Variants in EP400 observed in about 807,000 individuals in gnomAD.
EP400 encodes the protein E1A-binding protein p400.
EP400 carries 105 observed loss-of-function variants against 354.1 expected under a neutral mutation model. The observed-to-expected ratio is 0.30, with a 90% confidence interval of 0.25 to 0.35. EP400 has a LOEUF of 0.35. Ranked by LOEUF, EP400 falls within the 10% of genes least tolerant of loss-of-function variation. The pLI, the probability that EP400 is intolerant of heterozygous loss-of-function variation, is 1.00. For synonymous variants in EP400, 1,646 were observed against 1,716.9 expected (o/e 0.96, Z 1.02); for missense variants, 3,280 against 4,121.0 (o/e 0.80, Z 5.59).
rs191592726 is a variant in EP400 at position 132,035,208 on chromosome 12, C to T, written c.5952-2474C>T. ...CGATGAGATCTCTCTTCTCATGCCCCGGACAGGTGAGACCTTAAGGGAACG... is the reference window on the plus strand; with the variant it reads ...CGATGAGATCTCTCTTCTCATGCCCTGGACAGGTGAGACCTTAAGGGAACG... On this transcript the variant is annotated intron_variant, in intron 30 of 52. Transcript: ENST00000389561. 4.6e-5 allele frequency among the ~76,000 whole-genome samples: 7 copies of T among 152,204 alleles called. No homozygotes were observed. In the East Asian group the frequency reaches 7.7e-4, roughly 17 times the overall value.
intron 45 of EP400, among the ~76,000 whole-genome samples, chr12:132,055,872 C>A (rs1895493073): frequency 6.6e-6 from 1 of 151,824 alleles, no homozygotes; most frequent in Non-Finnish European, 1.5e-5. Context: ...ATGTGCTTGT[C>A]ACTGTGCCCA....
chr12:132,036,074 ACAGC>A (rs1894698879), intron 30 of EP400, among the ~76,000 whole-genome samples: 1 of 150,690 alleles, frequency 6.6e-6, no homozygotes, highest in Admixed American at 6.6e-5. Flanking sequence ...TTAGAAGCAC[ACAGC>A]CAGGTTCACA....
rs1242985127 is a variant in EP400 at position 132,043,724 on chromosome 12, G to A, written c.6446G>A (p.Ser2149Asn). 6.2e-7 allele frequency: 1 copy of A among 1,604,016 alleles called. No individual in the cohort carries two copies. The highest frequency in any genetic ancestry group is 1.3e-5 in the African/African-American group (1 of 74,326). ...ATTGAGCAAGAAAAGGAGAGAAACA[G>A]TGAGGTAAGAGAATCAACTTTTGGT... ...TSIEQEKERN[S>N]EDAVMTAVRA... The change falls in exon 34 of 53, where the codon AGT becomes AAT. Residue 2149 changes from serine (S) to asparagine (N), a missense_variant. Ser to Asn is a conservative substitution (Grantham distance 46). This residue lies in a region of EP400 where 231 missense variants were observed against 257.9 expected (regional missense o/e 0.90). Transcript: ENST00000389561.
intron 51 of EP400, among the ~76,000 whole-genome samples, chr12:132,073,173 T>TG (rs2136622711): frequency 6.6e-6 from 1 of 152,266 alleles, no homozygotes; most frequent in South Asian, 2.1e-4. Flanking sequence ...CTGTTTGTCT[T>TG]GCTTGTTCTG....
chr12:132,058,791 CTTTT>C (rs58651614), intron 45 of EP400, among the ~76,000 whole-genome samples: 2 of 139,020 alleles, frequency 1.4e-5, no homozygotes. Context: ...CGATTTCTTC[CTTTT>C]TTTTTTTTTT....
At chr12:132,071,316 C>T (rs1896061925) in intron 51 of EP400, among the ~76,000 whole-genome samples, 1 of 152,124 alleles carries the variant, frequency 6.6e-6, no homozygotes, top group African/African-American at 2.4e-5. Context: ...TCTGTAGCCA[C>T]TTACTGTCCT....
rs897102163 is a variant in EP400, at chr12:132,027,556, G to C, written c.5109+25G>C. 6.3e-7 allele frequency: 1 copy of C among 1,581,592 alleles called. No individual in the cohort carries two copies. On this transcript the variant is annotated intron_variant, in intron 26 of 52. Transcript: ENST00000389561. This position sits in a 1 kb window ranked among gnomAD's most constrained non-coding sequence, Gnocchi z 4.9. ...GGTAAGCACCTGAGCTTGAGACCCC[G>C]GTGCACGTGGACAGGTAGCTTTCCA... is the stretch of plus-strand genomic sequence containing the variant.
At position 132,029,324 on chromosome 12, in the gene EP400, A is replaced by G; in HGVS notation, c.5382-377A>G. On this transcript the variant is annotated intron_variant, in intron 27 of 52. Coordinates refer to ENST00000389561, the MANE Select transcript of EP400 (RefSeq NM_015409.5). This position sits in a 1 kb window ranked among gnomAD's most constrained non-coding sequence, Gnocchi z 4.7. ...AGTCTGGCCCCCGTCCTGGTGGCACAGTGGCTATAGCAGTTCTAGGGTCCA... is the reference window on the plus strand; with the variant it reads ...AGTCTGGCCCCCGTCCTGGTGGCACGGTGGCTATAGCAGTTCTAGGGTCCA... The G allele has an allele frequency of 4.4e-6, 1 of 228,690 alleles. No individual in the cohort carries two copies. The highest frequency in any genetic ancestry group is 1.1e-4 in the South Asian group (1 of 8,880). 14.2% of individuals were successfully genotyped at this position (228,690 alleles called of 1,614,324 possible).
In EP400 at chr12:131,978,138, T is replaced by C. The variant is rs80187722; in HGVS notation, c.1336-1556T>C. ...CTGTCTTTGTAAAATAACATGCCAATAGCTTCCCATGTAAACTTTTAAAAA... is the reference window on the plus strand; with the variant it reads ...CTGTCTTTGTAAAATAACATGCCAACAGCTTCCCATGTAAACTTTTAAAAA... On this transcript the variant is annotated intron_variant, in intron 2 of 52. Coordinates refer to ENST00000389561, the MANE Select transcript of EP400 (RefSeq NM_015409.5). Among the ~76,000 whole-genome samples, 728 of 152,320 alleles carry C rather than the reference T, an allele frequency of 4.8e-3. 47 individuals carry two copies. The East Asian group carries it at 0.13, about 26-fold the overall frequency.
intron 30 of EP400, among the ~76,000 whole-genome samples, chr12:132,035,596 A>G (rs867804808): frequency 6.6e-6 from 1 of 151,828 alleles, no homozygotes; most frequent in Non-Finnish European, 1.5e-5. Context: ...GGAAGGGCAC[A>G]CCCAGGTTCA....
In EP400 at chr12:132,079,480, A is replaced by G. The variant is rs1363177646; in HGVS notation, c.*1807A>G. On this transcript the variant is annotated 3_prime_UTR_variant, in exon 53 of 53. Coordinates refer to ENST00000389561, the MANE Select transcript of EP400 (RefSeq NM_015409.5). ...TCCGCAGATGTGATAGAACTGAAGT[A>G]TCTAGGAATTCTGCCTTTGTCATTT... is the stretch of plus-strand genomic sequence containing the variant. 6.6e-6 allele frequency: 1 copy of G among 152,282 alleles called. No homozygotes were observed. Among genetic ancestry groups the G allele is most frequent in the Non-Finnish European group, 1.5e-5 (1 of 68,052 alleles). The allele number at this position is 152,282 out of a possible 1,614,324, so 9.4% of individuals were successfully genotyped here. A position where few individuals can be genotyped will look rare whatever the true frequency, so the allele number is the denominator to read the frequency against.
chr12:132,018,384 C>A lies in EP400; in HGVS notation c.4277+8C>A. On this transcript the variant is annotated splice_region_variant and intron_variant, in intron 21 of 52. Coordinates refer to ENST00000389561, the MANE Select transcript of EP400 (RefSeq NM_015409.5). This position sits in a 1 kb window ranked among gnomAD's most constrained non-coding sequence, Gnocchi z 4.0. ...AAAGCTGAAGGCCAGCAGGTGCGTG[C>A]GACCCAGAGGCAGCGGGGAGGGTTG... 1 of 1,596,504 alleles carries A rather than the reference C, an allele frequency of 6.3e-7. No individual in the cohort carries two copies. Among genetic ancestry groups the A allele is most frequent in the Non-Finnish European group, 8.5e-7 (1 of 1,173,688 alleles).
intron 12 of EP400, among the ~76,000 whole-genome samples, chr12:131,996,729 C>T (rs7302504): frequency 0.19 from 28,503 of 152,116 alleles, 4,528 homozygotes; most frequent in African/African-American, 0.44. Context: ...CTCCTTGTGG[C>T]TTTAATTTGC....
At chr12:132,046,019 G>C in intron 39 of EP400, 119 bp downstream of exon 39, 1 of 1,298,934 alleles carries the variant, frequency 7.7e-7, no homozygotes, top group East Asian at 2.5e-5. Flanking sequence ...CTGTGGGTCT[G>C]CGGTGAAGTC....
chr12:132,050,254 C>A lies in EP400; in HGVS notation c.7201-69C>A. ...TAGCCTCAGATTCCCACCCAGTGAG[C>A]CCTGTGTCCCACGCAGCCGTCTGTC... is the stretch of plus-strand genomic sequence containing the variant. On this transcript the variant is annotated intron_variant, in intron 39 of 52. Transcript: ENST00000389561. The surrounding 1 kb of genome is among the most constrained non-coding windows in gnomAD (Gnocchi z 4.8). 1.3e-6 allele frequency: 2 copies of A among 1,576,982 alleles called. No individual in the cohort carries two copies.
At chr12:132,014,975 C>A (rs1370805682) in intron 19 of EP400, among the ~76,000 whole-genome samples, 2 of 152,234 alleles carry the variant, frequency 1.3e-5, no homozygotes, top group Non-Finnish European at 2.9e-5. Flanking sequence ...GTCTCCTTCT[C>A]TGTGCCTCAT....
rs551282087 is a variant in EP400, at chr12:131,995,113, G to A, written c.2827+157G>A. 106 of 646,542 alleles carry A rather than the reference G, an allele frequency of 1.6e-4. 1 individual carries two copies. In the Middle Eastern group the frequency reaches 5.2e-3, roughly 32 times the overall value. The allele number at this position is 646,542 out of a possible 1,614,324, so 40.1% of individuals were successfully genotyped here. The stretch of plus-strand genomic sequence containing the variant: ...CTCCTGCTGCTCTCTCTCCTGACCT[G>A]GAGGTCCTGGCCCTCCTGGGTTGTG... On this transcript the variant is annotated intron_variant, in intron 12 of 52. Transcript: ENST00000389561.
At position 132,079,977 on chromosome 12, in the gene EP400, G is replaced by A. The variant is rs369810392; in HGVS notation, c.*2304G>A. On this transcript the variant is annotated 3_prime_UTR_variant, in exon 53 of 53. Transcript: ENST00000389561. ...TTTCTAACCTAAGAATTAAGTACGC[G>A]TTCAGGAAGCTGTTGTCTAGGCCTT... 2 of 152,184 alleles carry A rather than the reference G, an allele frequency of 1.3e-5. No individual in the cohort carries two copies. The highest frequency in any genetic ancestry group is 4.8e-5 in the African/African-American group (2 of 41,436). The allele number at this position is 152,184 out of a possible 1,614,324, so 9.4% of individuals were successfully genotyped here. A position where few individuals can be genotyped will look rare whatever the true frequency, so the allele number is the denominator to read the frequency against.
chr12:132,032,184 A>C (rs368246913), intron 30 of EP400, 35 bp downstream of exon 30: 3 of 1,590,482 alleles, frequency 1.9e-6, no homozygotes, highest in Non-Finnish European at 2.6e-6. Flanking sequence ...CAGGAGATGC[A>C]AAGACATCCA....
Sources: allele counts gnomAD v4.1 joint callset (sites outside exome capture counted in the v4.1 genomes callset), GRCh38; gene constraint gnomAD v4.1.1; regional missense constraint gnomAD v4.1.1; non-coding constraint Gnocchi (gnomAD v3.1); transcripts MANE v1.5; gene names NCBI Gene and HGNC (gene_info 2026-07-23, HGNC 2026-07-21).